Variants in MICAL2 observed in about 807,000 individuals in gnomAD.
MICAL2 encodes microtubule associated monooxygenase, calponin and LIM domain containing 2, also known as [F-actin]-monooxygenase MICAL2.
A neutral mutation model predicts 127.3 loss-of-function variants in MICAL2; 77 were observed. The ratio of observed to expected loss-of-function variants is 0.60; its 90% CI spans 0.50 to 0.73. The LOEUF (loss-of-function observed/expected upper bound fraction) is 0.73. Ranked by LOEUF, MICAL2 falls within the 30% of genes least tolerant of loss-of-function variation. The pLI is 0.00. For missense variants in MICAL2, 1,351 were observed against 1,434.4 expected (o/e 0.94, Z 0.94); for synonymous variants, 570 against 551.1 (o/e 1.03, Z -0.48).
chr11:12,271,890 G>T (rs866333803), upstream of MICAL2, among the ~76,000 whole-genome samples: 2 of 152,132 alleles, frequency 1.3e-5, no homozygotes, highest in African/African-American at 4.8e-5. Context: ...TGGGCACATT[G>T]GCAAAAGGGG....
chr11:12,224,434 TC>T (rs2134306653), intron 12 of MICAL2: 2 of 522,164 alleles, frequency 3.8e-6, no homozygotes, highest in South Asian at 5.3e-5. Context: ...ACACAGTAGG[TC>T]TTAGGAACTC....
intron 3 of MICAL2, among the ~76,000 whole-genome samples, chr11:12,177,993 G>C (rs1565103148): frequency 6.6e-6 from 1 of 152,338 alleles, no homozygotes; most frequent in African/African-American, 2.4e-5. Flanking sequence ...TCTTTTGCAT[G>C]CTGATAAGAT....
intron 2 of MICAL2, among the ~76,000 whole-genome samples, chr11:12,284,903 A>T (rs1863808056): frequency 6.6e-6 from 1 of 152,142 alleles, no homozygotes; most frequent in Non-Finnish European, 1.5e-5. Context: ...TCCAAATGTA[A>T]CCACCCGAAG....
chr11:12,172,311 AC>A (rs1242504022), intron 3 of MICAL2, among the ~76,000 whole-genome samples: 3 of 152,210 alleles, frequency 2.0e-5, no homozygotes, highest in Non-Finnish European at 1.5e-5. Context: ...CTGACACATA[AC>A]ATGTATTTGT....
chr11:12,160,297 A>G (rs892812500), intron 2 of MICAL2, among the ~76,000 whole-genome samples: 3 of 151,746 alleles, frequency 2.0e-5, no homozygotes, highest in African/African-American at 7.3e-5. Flanking sequence ...GGCTCCTCTC[A>G]TTGCTGCCTG....
downstream of MICAL2, among the ~76,000 whole-genome samples, chr11:12,360,154 G>A (rs1939186912): frequency 1.4e-5 from 2 of 142,654 alleles, no homozygotes; most frequent in South Asian, 4.8e-4. Flanking sequence ...TCCAGGGCCT[G>A]AATTCTATTA....
At chr11:12,179,198 C>A (rs1390647061) in intron 3 of MICAL2, among the ~76,000 whole-genome samples, 1 of 152,204 alleles carries the variant, frequency 6.6e-6, no homozygotes, top group Non-Finnish European at 1.5e-5. Context: ...CAACCTGTTT[C>A]CCACAACTCC....
At chr11:12,298,037 T>C (rs78338606) in intron 29 of MICAL2, among the ~76,000 whole-genome samples, 2,976 of 152,058 alleles carry the variant, frequency 0.02, 95 homozygotes, top group African/African-American at 0.068. Flanking sequence ...ATGAACTTAG[T>C]ATAAGCTTGT....
intron 1 of MICAL2, among the ~76,000 whole-genome samples, chr11:12,130,985 G>A (rs1482379362): frequency 1.2e-4 from 18 of 152,154 alleles, no homozygotes; most frequent in Non-Finnish European, 1.5e-5. Context: ...AGGGCCTCTG[G>A]GTTGCAGGTG....
chr11:12,147,091 AG>A (rs1222011039), intron 2 of MICAL2, among the ~76,000 whole-genome samples: 2 of 152,152 alleles, frequency 1.3e-5, no homozygotes, highest in African/African-American at 4.8e-5. Flanking sequence ...GGATAGCATT[AG>A]GAGATATATC....
intron 32 of MICAL2, among the ~76,000 whole-genome samples, chr11:12,339,324 C>T (rs1306278211): frequency 3.9e-5 from 6 of 152,198 alleles, no homozygotes; most frequent in African/African-American, 1.4e-4. Flanking sequence ...GACTTCTCTT[C>T]ATTGATTATT....
intron 1 of MICAL2, among the ~76,000 whole-genome samples, chr11:12,277,371 G>T (rs1457585462): frequency 1.3e-5 from 2 of 152,102 alleles, no homozygotes; most frequent in African/African-American, 4.8e-5. Context: ...CAACAAGTGG[G>T]GAATAGGCTG....
Position 12,261,018 on chromosome 11 carries a change from G to A in MICAL2, c.3334+1121G>A, listed in dbSNP as rs543670064. The A allele has an allele frequency of 6.1e-6, 6 of 985,542 alleles. No individual in the cohort carries two copies. In the African/African-American group the frequency reaches 8.7e-5, roughly 14 times the overall value. 61.0% of individuals were successfully genotyped at this position (985,542 alleles called of 1,614,324 possible). ...CAACTGATGGCATTTTAGCCCCTGT[G>A]GCTCCCAGCGGATCCCCCAGCCCGG... On this transcript the variant is annotated intron_variant, in intron 26 of 27. Transcript: ENST00000683283.
rs116336318 is a variant in MICAL2, at chr11:12,248,914, A to C, written c.2785-270A>C. Among the ~76,000 whole-genome samples, 203 of 152,286 alleles carry C rather than the reference A, an allele frequency of 1.3e-3. 1 individual carries two copies. Among genetic ancestry groups the C allele is most frequent in the African/African-American group, 4.5e-3 (186 of 41,540 alleles). ...TGCGTAGTGCTGGTGTGGAAGAAGG[A>C]TATGAGTTTCAAATCAGACTTCAGT... On this transcript the variant is annotated intron_variant, in intron 21 of 27. Transcript: ENST00000683283.
At chr11:12,333,644 A>G (rs1375229503) in intron 32 of MICAL2, among the ~76,000 whole-genome samples, 3 of 152,176 alleles carry the variant, frequency 2.0e-5, no homozygotes, top group African/African-American at 7.2e-5. Flanking sequence ...ATGTACAAGT[A>G]AACTATTAAA....
At chr11:12,224,529 C>T (rs989965687) in intron 12 of MICAL2, 144 bp from the exon 13 acceptor site, 12 of 1,022,566 alleles carry the variant, frequency 1.2e-5, no homozygotes, top group South Asian at 7.9e-5. Flanking sequence ...GAGCTGCACC[C>T]GTGCCAGTGG....
chr11:12,270,130 G>A (rs1335307049), intron 24 of MICAL2, among the ~76,000 whole-genome samples: 1 of 152,176 alleles, frequency 6.6e-6, no homozygotes, highest in Non-Finnish European at 1.5e-5. Context: ...GACATACACT[G>A]GCAGTGGGTA....
intron 32 of MICAL2, among the ~76,000 whole-genome samples, chr11:12,339,294 G>A (rs945583483): frequency 6.6e-6 from 1 of 152,190 alleles, no homozygotes; most frequent in African/African-American, 2.4e-5. Context: ...GTGGTTTTCA[G>A]CTCCATCAGG....
At position 12,309,209 on chromosome 11, in the gene MICAL2, C is replaced by T. The variant is rs11828326; in HGVS notation, c.5213-10487C>T. ...GAAACTTACAATTCTTCTCTTCTAGCTATTTTGAAATTTACTATAAATCAT... is the reference window on the plus strand; with the variant it reads ...GAAACTTACAATTCTTCTCTTCTAGTTATTTTGAAATTTACTATAAATCAT... On this transcript the variant is annotated intron_variant, in intron 29 of 34. Coordinates refer to the MICAL2 transcript ENST00000646065. Among the ~76,000 whole-genome samples the T allele has an allele frequency of 1.7e-3, 252 of 152,284 alleles. 1 individual carries two copies. The highest frequency in any genetic ancestry group is 5.9e-3 in the African/African-American group (247 of 41,570).
Sources: gnomAD v4.1 joint callset for allele counts (sites outside exome capture counted in the v4.1 genomes callset) on GRCh38, gnomAD v4.1.1 for gene constraint, MANE v1.5 for transcripts, NCBI Gene and HGNC (gene_info 2026-07-23, HGNC 2026-07-21) for gene names.